CSMD1: variants seen among roughly 807,000 people sequenced by gnomAD.
The protein encoded by CSMD1 is CUB and sushi domain-containing protein 1.
In CSMD1, 213 loss-of-function variants were observed where a neutral mutation model predicts 417.5. The observed-to-expected ratio is 0.51, with a 90% CI of 0.46 to 0.57. The LOEUF (loss-of-function observed/expected upper bound fraction) is 0.57, where lower values mean the gene tolerates loss of function less well. Ranked by LOEUF, CSMD1 falls within the 20% of genes least tolerant of loss-of-function variation. The probability of loss-of-function intolerance (pLI) is 0.00; values close to 1 mark genes in which losing one functional copy is unlikely to be tolerated. For missense variants in CSMD1, 6,923 were observed against 4,529.7 expected (o/e 1.53, Z -15.17); for synonymous variants, 2,862 against 1,736.8 (o/e 1.65, Z -16.11).
chr8:4,955,451 CCT>C (rs1809033263), intron 1 of CSMD1, among the ~76,000 whole-genome samples: 2 of 141,236 alleles, frequency 1.4e-5, no homozygotes, highest in South Asian at 2.2e-4. Context: ...GCAACTCTCA[CCT>C]CTCTTTTTTT....
chr8:4,186,826 A>C (rs895204713), intron 3 of CSMD1, among the ~76,000 whole-genome samples: 5 of 63,034 alleles, frequency 7.9e-5, no homozygotes, highest in African/African-American at 2.4e-4. Flanking sequence ...GTCTCTACTA[A>C]AAATACAGAA....
chr8:4,747,335 A>G (rs1482090029), intron 1 of CSMD1, among the ~76,000 whole-genome samples: 1 of 152,186 alleles, frequency 6.6e-6, no homozygotes, highest in African/African-American at 2.4e-5. Context: ...AATATGAAGA[A>G]TTTGCTATAT....
intron 12 of CSMD1, among the ~76,000 whole-genome samples, chr8:3,451,143 C>T (rs185459294): frequency 2.6e-5 from 4 of 152,178 alleles, no homozygotes; most frequent in Admixed American, 1.3e-4. Flanking sequence ...ATATCCTTCG[C>T]CCACTTTTTG....
chr8:2,973,238 A>T lies in CSMD1; in HGVS notation c.8802T>A (p.Asp2934Glu). 1 of 1,613,976 alleles carries T rather than the reference A, an allele frequency of 6.2e-7. No individual in the cohort carries two copies. The highest frequency in any genetic ancestry group is 8.5e-7 in the Non-Finnish European group (1 of 1,179,864). Reference sequence around the variant, plus strand: ...GGAGAAGACTCTTTGTCTTAAAGTCATCACCAAGCCGAGACCCATGTGCTG... The same window carrying T: ...GGAGAAGACTCTTTGTCTTAAAGTCTTCACCAAGCCGAGACCCATGTGCTG... ...GTPAHGSRLG[D>E]DFKTKSLLRF... is the part of the protein sequence containing the mutation. Residue 2934 changes from aspartate (D) to glutamate (E), a missense_variant, in exon 57 of 70, where the codon GAT (aspartate) becomes GAA (glutamate). Coordinates refer to ENST00000635120, the MANE Select transcript of CSMD1 (RefSeq NM_033225.6).
intron 1 of CSMD1, among the ~76,000 whole-genome samples, chr8:4,747,445 C>A (rs1811032677): frequency 6.6e-6 from 1 of 152,052 alleles, no homozygotes; most frequent in Non-Finnish European, 1.5e-5. Context: ...GTACTTATGT[C>A]AGAGAAAATT....
chr8:4,228,589 CTTTT>C (rs201365918), intron 3 of CSMD1, among the ~76,000 whole-genome samples: 1 of 138,378 alleles, frequency 7.2e-6, no homozygotes, highest in East Asian at 2.1e-4. Context: ...TCTGTCAGAT[CTTTT>C]TTTTTTTTTT....
intron 10 of CSMD1, among the ~76,000 whole-genome samples, chr8:3,531,554 G>A (rs1240335383): frequency 2.0e-5 from 3 of 152,170 alleles, no homozygotes; most frequent in Admixed American, 6.5e-5. Flanking sequence ...GAAGTTCTGG[G>A]AGCCCTGCCA....
rs372689475 is a variant in CSMD1, at chr8:3,406,103, G to A, written c.2190C>T (p.Thr730=). 3 of 1,613,908 alleles carry A rather than the reference G, an allele frequency of 1.9e-6. No homozygotes were observed. Among genetic ancestry groups the A allele is most frequent in the Non-Finnish European group, 2.5e-6 (3 of 1,179,880 alleles). ...TGCAGGTAATGGACTCGGATCCCTG[G>A]GTCTTGACAAAGCCATCATCACAGT... ...SFHCDDGFVK[T]QGSESITCIL... Residue 730 remains threonine, a synonymous_variant, in exon 15 of 70, where the codon ACC becomes ACT. Transcript: ENST00000635120.
intron 26 of CSMD1, among the ~76,000 whole-genome samples, chr8:3,242,270 T>C (rs1320899946): frequency 6.6e-6 from 1 of 151,312 alleles, no homozygotes; most frequent in Non-Finnish European, 1.5e-5. Context: ...GAGGAAGATT[T>C]GGGACCTAGC....
intron 1 of CSMD1, among the ~76,000 whole-genome samples, chr8:4,933,614 C>A (rs1276255605): frequency 6.6e-6 from 1 of 152,050 alleles, no homozygotes; most frequent in African/African-American, 2.4e-5. Context: ...CAAGTGCAGA[C>A]CCCACAACCA....
In CSMD1 at chr8:3,214,510, C is replaced by G. The variant is rs759245641; in HGVS notation, c.4854G>C (p.Leu1618=). The change falls in exon 30 of 70, where the codon CTG becomes CTC. Residue 1618 remains leucine, a synonymous_variant. Coordinates refer to ENST00000635120, the MANE Select transcript of CSMD1 (RefSeq NM_033225.6). ...GCGTGCACTCACCATTGCAGGAGGG[C>G]AGCACTTGGTCCCAGGAGGGTTTCC... The part of the protein sequence containing the change: ...ADGKPSWDQV[L]PSCNAPCGGQ... 33 of 1,595,726 alleles carry G rather than the reference C, an allele frequency of 2.1e-5. No homozygotes were observed. In the East Asian group the frequency reaches 6.1e-4, roughly 29 times the overall value.
At chr8:4,216,551 G>A (rs1172371883) in intron 3 of CSMD1, among the ~76,000 whole-genome samples, 5 of 152,080 alleles carry the variant, frequency 3.3e-5, no homozygotes, top group South Asian at 2.1e-4. Context: ...CAAAGAACCC[G>A]GCCTGAGTCT....
intron 2 of CSMD1, among the ~76,000 whole-genome samples, chr8:4,423,071 A>T (rs1407179952): frequency 6.6e-6 from 1 of 152,086 alleles, no homozygotes; most frequent in Non-Finnish European, 1.5e-5. Context: ...AAAAATTTAA[A>T]AAAGCCTAAA....
intron 5 of CSMD1, among the ~76,000 whole-genome samples, chr8:3,912,954 T>C (rs1323423279): frequency 6.6e-6 from 1 of 151,976 alleles, no homozygotes; most frequent in Non-Finnish European, 1.5e-5. Flanking sequence ...TGAACATGGA[T>C]TGAGAGGAGT....
chr8:3,315,507 A>G (rs1805690923), intron 23 of CSMD1, among the ~76,000 whole-genome samples: 1 of 151,512 alleles, frequency 6.6e-6, no homozygotes, highest in African/African-American at 2.4e-5. Context: ...TTTAAGCTAC[A>G]GATGCTATTG....
chr8:3,253,811 G>T (rs1481647800), intron 26 of CSMD1, among the ~76,000 whole-genome samples: 1 of 152,136 alleles, frequency 6.6e-6, no homozygotes, highest in East Asian at 1.9e-4. Context: ...ACACTGTAGG[G>T]TCTTGACTCT....
rs116528014 is a variant in CSMD1 at position 4,869,405 on chromosome 8, T to A, written c.85+124927A>T. Among the ~76,000 whole-genome samples, 518 of 152,222 alleles carry A rather than the reference T, an allele frequency of 3.4e-3. 6 individuals are homozygous for A. The highest frequency in any genetic ancestry group is 0.012 in the African/African-American group (490 of 41,502). On this transcript the variant is annotated intron_variant, in intron 1 of 69. Transcript: ENST00000635120. ...CTCGAATTTCATAACTTTGAGTTAC[T>A]TGACTTTCACTTACCAAATATTTGG...
Position 3,155,656 on chromosome 8 carries a change from C to T in CSMD1, c.5914+2241G>A, listed in dbSNP as rs905380143. Among the ~76,000 whole-genome samples the T allele has an allele frequency of 3.3e-5, 5 of 152,134 alleles. No homozygotes were observed. In the South Asian group the frequency reaches 6.2e-4, roughly 19 times the overall value. Reference sequence around the variant, plus strand: ...TGCTGGGATTACAGGCGTGAGCCACCGCGCCCGGTCAAGGCTGGGATTTTA... The same window carrying T: ...TGCTGGGATTACAGGCGTGAGCCACTGCGCCCGGTCAAGGCTGGGATTTTA... On this transcript the variant is annotated intron_variant, in intron 39 of 69. Transcript: ENST00000635120.
At chr8:3,882,939 C>A (rs115508449) in intron 5 of CSMD1, among the ~76,000 whole-genome samples, 2,436 of 152,244 alleles carry the variant, frequency 0.016, 71 homozygotes, top group African/African-American at 0.054. Context: ...TGGCCTTGTA[C>A]TGAAGTTTCA....
Sources: allele counts gnomAD v4.1 joint callset (sites outside exome capture counted in the v4.1 genomes callset), GRCh38; gene constraint gnomAD v4.1.1; transcripts MANE v1.5; gene names NCBI Gene and HGNC (gene_info 2026-07-23, HGNC 2026-07-21).